RBFOX1: variants seen among roughly 807,000 people sequenced by gnomAD.
The protein encoded by RBFOX1 is RNA binding fox-1 homolog 1.
A neutral mutation model predicts 57.7 loss-of-function variants in RBFOX1; 8 were observed. The ratio of observed to expected loss-of-function variants is 0.14; its 90% confidence interval spans 0.08 to 0.25. The LOEUF is 0.25. RBFOX1 is among the 10% of genes least tolerant of loss of function. The pLI is 1.00. For synonymous variants in RBFOX1, 326 were observed against 222.4 expected (o/e 1.47, Z -4.15); for missense variants, 611 against 548.5 (o/e 1.11, Z -1.14).
At chr16:5,546,554 C>G (rs1014180566) in intron 2 of RBFOX1, among the ~76,000 whole-genome samples, 1 of 152,132 alleles carries the variant, frequency 6.6e-6, no homozygotes, top group African/African-American at 2.4e-5. Context: ...GTTGGACATC[C>G]ATGTGCAAAC....
At chr16:5,583,400 T>C (rs1369507405) in intron 2 of RBFOX1, among the ~76,000 whole-genome samples, 1 of 152,220 alleles carries the variant, frequency 6.6e-6, no homozygotes, top group Non-Finnish European at 1.5e-5. Context: ...CTTCAACCAC[T>C]TGTAGACTGC....
intron 2 of RBFOX1, among the ~76,000 whole-genome samples, chr16:6,467,794 A>T (rs2095084006): frequency 6.6e-6 from 1 of 152,178 alleles, no homozygotes; most frequent in South Asian, 2.1e-4. Flanking sequence ...TAAGTGGGAA[A>T]TTTTGCAAAG....
intron 4 of RBFOX1, among the ~76,000 whole-genome samples, chr16:7,320,047 T>C (rs1450876466): frequency 6.6e-6 from 1 of 152,162 alleles, no homozygotes; most frequent in Non-Finnish European, 1.5e-5. Context: ...TTAATCTGTT[T>C]TTTTGAAAGT....
chr16:5,757,149 C>T (rs2053426326), intron 3 of RBFOX1, among the ~76,000 whole-genome samples: 1 of 151,914 alleles, frequency 6.6e-6, no homozygotes, highest in African/African-American at 2.4e-5. Context: ...GCCAAGCTTG[C>T]CCTTGGTCGA....
chr16:6,276,293 C>A (rs760001486), intron 1 of RBFOX1, among the ~76,000 whole-genome samples: 1 of 152,030 alleles, frequency 6.6e-6, no homozygotes, highest in Non-Finnish European at 1.5e-5. Flanking sequence ...TTTTTGTCCT[C>A]CCAGCTTGGG....
At chr16:6,138,628 G>A (rs1243483111) in intron 1 of RBFOX1, among the ~76,000 whole-genome samples, 1 of 152,154 alleles carries the variant, frequency 6.6e-6, no homozygotes, top group African/African-American at 2.4e-5. Context: ...AGCACTTTCG[G>A]AGGCTGAGGC....
In RBFOX1 at chr16:6,237,786, A is replaced by G. The variant is rs957078334; in HGVS notation, c.-126-79209A>G. 5.9e-5 allele frequency among the ~76,000 whole-genome samples: 9 copies of G among 152,046 alleles called. No individual in the cohort carries two copies. The South Asian group carries it at 8.3e-4, about 14-fold the overall frequency. On this transcript the variant is annotated intron_variant, in intron 1 of 15. Transcript: ENST00000550418. ...TTAAAATTAAATTAAATGAAATTAA[A>G]TTAAACAAAGAAATACCTGCCTTAT...
chr16:5,326,457 G>C (rs184776154), intron 1 of RBFOX1, among the ~76,000 whole-genome samples: 1 of 152,324 alleles, frequency 6.6e-6, no homozygotes, highest in African/African-American at 2.4e-5. Context: ...CAGTGTTTCT[G>C]TTGCATTCAT....
At chr16:6,237,829 C>G (rs78574045) in intron 1 of RBFOX1, among the ~76,000 whole-genome samples, 3 of 151,936 alleles carry the variant, frequency 2.0e-5, no homozygotes, top group Non-Finnish European at 2.9e-5. Context: ...TGCGTTGGCA[C>G]ACACCTGTAA....
chr16:5,690,799 G>A (rs1317987539), intron 3 of RBFOX1, among the ~76,000 whole-genome samples: 1 of 152,160 alleles, frequency 6.6e-6, no homozygotes, highest in Non-Finnish European at 1.5e-5. Flanking sequence ...ACCTGACCAT[G>A]CCTAGGCTGA....
intron 1 of RBFOX1, among the ~76,000 whole-genome samples, chr16:6,227,864 A>T (rs918816980): frequency 1.3e-5 from 2 of 152,244 alleles, no homozygotes; most frequent in African/African-American, 4.8e-5. Flanking sequence ...ACAAAAGGAG[A>T]GGTAAACAGT....
At chr16:6,135,586 A>T (rs993577936) in intron 1 of RBFOX1, among the ~76,000 whole-genome samples, 60 of 152,076 alleles carry the variant, frequency 3.9e-4, no homozygotes, top group African/African-American at 1.4e-3. Context: ...CTGTTTATTT[A>T]GGGTTTAAAA....
At chr16:5,909,882 G>A (rs1024118856) in intron 4 of RBFOX1, among the ~76,000 whole-genome samples, 1 of 151,912 alleles carries the variant, frequency 6.6e-6, no homozygotes, top group Non-Finnish European at 1.5e-5. Context: ...GTGAAACCCC[G>A]TCTCCACTAA....
intron 3 of RBFOX1, among the ~76,000 whole-genome samples, chr16:6,899,651 C>T (rs565541563): frequency 6.6e-6 from 1 of 152,320 alleles, no homozygotes; most frequent in African/African-American, 2.4e-5. Context: ...AATAAACGTC[C>T]ATACCTCCTC....
At chr16:6,812,893 CAG>C (rs1305707645) in intron 3 of RBFOX1, among the ~76,000 whole-genome samples, 4 of 152,152 alleles carry the variant, frequency 2.6e-5, no homozygotes, top group East Asian at 3.9e-4. Context: ...TCCATCATGT[CAG>C]AGTGACGATG....
At chr16:6,875,545 G>T (rs12149902) in intron 3 of RBFOX1, among the ~76,000 whole-genome samples, 35,576 of 152,142 alleles carry the variant, frequency 0.23, 4,322 homozygotes, top group East Asian at 0.28. Context: ...TTATGTTTAT[G>T]TCTGAAGCAA....
Position 7,630,973 on chromosome 16 carries a change from T to TATCA in RBFOX1, c.757+291_757+294dup, listed in dbSNP as rs2060852045. On this transcript the variant is annotated intron_variant, in intron 11 of 15. Transcript: ENST00000550418. ...AAGCTTTAGCTCATTGCCTGCCTTC[T>TATCA]ATCATAGCTTTGCAAATTAATATAA... Among the ~76,000 whole-genome samples, 6 of 152,334 alleles carry TATCA rather than the reference T, an allele frequency of 3.9e-5. No individual in the cohort carries two copies. The South Asian group carries it at 1.2e-3, about 32-fold the overall frequency.
intron 4 of RBFOX1, among the ~76,000 whole-genome samples, chr16:7,240,972 C>A (rs2094025681): frequency 6.6e-6 from 1 of 152,172 alleles, no homozygotes; most frequent in Admixed American, 6.5e-5. Flanking sequence ...CTACTTTTCC[C>A]CCACACCTTC....
chr16:7,519,646 C>A lies in RBFOX1; in HGVS notation c.270+1257C>A, dbSNP rs922959852. 7 of 977,478 alleles carry A rather than the reference C, an allele frequency of 7.2e-6. No homozygotes were observed. In the South Asian group the frequency reaches 1.4e-4, roughly 20 times the overall value. 60.6% of individuals were successfully genotyped at this position (977,478 alleles called of 1,614,324 possible). A position where few individuals can be genotyped will look rare whatever the true frequency, so the allele number is the denominator to read the frequency against. ...CTGTATGGAACATGCATTTGGGAAC[C>A]TTTTTCTGCAGAATTCTTTAGAAGC... On this transcript the variant is annotated intron_variant, in intron 5 of 15. Coordinates refer to ENST00000550418, the MANE Select transcript of RBFOX1 (RefSeq NM_018723.4).
Sources: allele counts gnomAD v4.1 joint callset (sites outside exome capture counted in the v4.1 genomes callset), GRCh38; gene constraint gnomAD v4.1.1; transcripts MANE v1.5; gene names NCBI Gene and HGNC (gene_info 2026-07-23, HGNC 2026-07-21).